CASZ1: variants seen among roughly 807,000 people sequenced by gnomAD.
The protein encoded by CASZ1 is zinc finger protein castor homolog 1.
CASZ1 carries 28 observed loss-of-function variants against 135.2 expected under a neutral mutation model. The observed-to-expected ratio is 0.21, with a 90% CI of 0.15 to 0.28. The LOEUF is 0.28. CASZ1 is among the 10% of genes least tolerant of loss of function. The pLI is 1.00. For missense variants in CASZ1, 2,161 were observed against 2,453.3 expected (o/e 0.88, Z 2.52); for synonymous variants, 1,068 against 1,073.4 (o/e 0.99, Z 0.10).
At position 10,721,727 on chromosome 1, in the gene CASZ1, C is replaced by T. The variant is rs1038248326; in HGVS notation, c.-76-16183G>A. ...GCCGACCTGCAAACCAGGAAGTGGA[C>T]GGCCCCAGCCTCTATCGGATCTGGC... On this transcript the variant is annotated intron_variant, in intron 2 of 20. Transcript: ENST00000377022. This position sits in a 1 kb window ranked among gnomAD's most constrained non-coding sequence, Gnocchi z 5.4. Among the ~76,000 whole-genome samples, 5 of 152,210 alleles carry T rather than the reference C, an allele frequency of 3.3e-5. No homozygotes were observed. The East Asian group carries it at 5.8e-4, about 18-fold the overall frequency.
In CASZ1 at chr1:10,637,335, C is replaced by T. The variant is rs72641442; in HGVS notation, c.*1607G>A. The T allele has an allele frequency of 0.072, 10,958 of 152,628 alleles. 480 individuals are homozygous for T. Among genetic ancestry groups the T allele is most frequent in the Middle Eastern group, 0.13 (38 of 292 alleles). The allele number at this position is 152,628 out of a possible 1,614,324, so 9.5% of individuals were successfully genotyped here. A position where few individuals can be genotyped will look rare whatever the true frequency, so the allele number is the denominator to read the frequency against. Reference sequence around the variant, plus strand: ...AACTGATTTCCTGTTGAATCAGGTACGCTCCGTGCGACCACTCCTCCCTCC... The same window carrying T: ...AACTGATTTCCTGTTGAATCAGGTATGCTCCGTGCGACCACTCCTCCCTCC... On this transcript the variant is annotated 3_prime_UTR_variant, in exon 21 of 21. Coordinates refer to ENST00000377022, the MANE Select transcript of CASZ1 (RefSeq NM_001079843.3).
At position 10,757,289 on chromosome 1, in the gene CASZ1, C is replaced by A. The variant is rs539008239; in HGVS notation, c.-77+3412G>T. Reference sequence around the variant, plus strand: ...ATCCGCGGGCACAGAATGCTTGAGTCATCCTGGGGCCCTCTCTTTTCCTTG... The same window carrying A: ...ATCCGCGGGCACAGAATGCTTGAGTAATCCTGGGGCCCTCTCTTTTCCTTG... On this transcript the variant is annotated intron_variant, in intron 2 of 20. Coordinates refer to ENST00000377022, the MANE Select transcript of CASZ1 (RefSeq NM_001079843.3). This position sits in a 1 kb window ranked among gnomAD's most constrained non-coding sequence, Gnocchi z 4.6. Among the ~76,000 whole-genome samples the A allele has an allele frequency of 5.9e-5, 9 of 152,262 alleles. No homozygotes were observed. The highest frequency in any genetic ancestry group is 2.2e-4 in the African/African-American group (9 of 41,550).
chr1:10,683,159 C>T (rs1013022391), intron 4 of CASZ1, among the ~76,000 whole-genome samples: 11 of 152,202 alleles, frequency 7.2e-5, no homozygotes, highest in East Asian at 3.9e-4. Context: ...GCTCTCTGAG[C>T]GTGCTTTCCT....
At chr1:10,746,742 C>T (rs1473193459) in intron 2 of CASZ1, among the ~76,000 whole-genome samples, 3 of 152,218 alleles carry the variant, frequency 2.0e-5, no homozygotes, top group Non-Finnish European at 4.4e-5. Context: ...AGGGACAGAG[C>T]GGAGGGTGAG....
At chr1:10,692,521 C>A (rs576250227) in intron 4 of CASZ1, among the ~76,000 whole-genome samples, 46 of 152,312 alleles carry the variant, frequency 3.0e-4, no homozygotes, top group African/African-American at 1.1e-3. Flanking sequence ...GGGTGGCAGC[C>A]TTGGCCTTAG....
At chr1:10,736,611 C>T (rs1317138985) in intron 2 of CASZ1, among the ~76,000 whole-genome samples, 1 of 152,252 alleles carries the variant, frequency 6.6e-6, no homozygotes, top group Non-Finnish European at 1.5e-5. Context: ...CCAAAACACA[C>T]AGGGCAGAGC....
chr1:10,656,330 T>A (rs1175563783), intron 8 of CASZ1, among the ~76,000 whole-genome samples: 3 of 152,206 alleles, frequency 2.0e-5, no homozygotes, highest in African/African-American at 7.2e-5. Flanking sequence ...CTAAGGCCAC[T>A]GCAAAGAGTC....
intron 2 of CASZ1, among the ~76,000 whole-genome samples, chr1:10,738,363 C>T (rs775893302): frequency 6.6e-6 from 1 of 152,254 alleles, no homozygotes; most frequent in African/African-American, 2.4e-5. Flanking sequence ...CCCACCCACC[C>T]CCTCCTTTTG....
At chr1:10,654,264 C>T (rs770414509) in intron 10 of CASZ1, 46 bp from the exon 11 acceptor site, 2 of 1,584,398 alleles carry the variant, frequency 1.3e-6, no homozygotes, top group African/African-American at 1.5e-5. Context: ...GAGGAGGCCC[C>T]ACCCTGCTAC....
In CASZ1 at chr1:10,646,091, C is replaced by G; in HGVS notation, c.3696+37G>C. On this transcript the variant is annotated intron_variant, in intron 17 of 20. Coordinates refer to ENST00000377022, the MANE Select transcript of CASZ1 (RefSeq NM_001079843.3). This position sits in a 1 kb window ranked among gnomAD's most constrained non-coding sequence, Gnocchi z 6.4. ...GAGCTAGCCCTGCACCTCCCTGCCC[C>G]CTACTCTGCCCCTGCGCCGTGTACC... The G allele has an allele frequency of 6.2e-7, 1 of 1,603,826 alleles. No individual in the cohort carries two copies. Among genetic ancestry groups the G allele is most frequent in the Non-Finnish European group, 8.5e-7 (1 of 1,171,742 alleles).
chr1:10,749,317 A>C (rs1640105801), intron 2 of CASZ1, among the ~76,000 whole-genome samples: 1 of 151,078 alleles, frequency 6.6e-6, no homozygotes, highest in African/African-American at 2.4e-5. Flanking sequence ...GTGCAACCTC[A>C]GCTCACTGCA....
At position 10,678,406 on chromosome 1, in the gene CASZ1, G is replaced by A. The variant is rs117144117; in HGVS notation, c.17-12835C>T. ...AAAGCTGGTTACAGTGTGAGGGAGAGGCAGCAGGTGGGTGGGGGTGGGGGG... is the reference window on the plus strand; with the variant it reads ...AAAGCTGGTTACAGTGTGAGGGAGAAGCAGCAGGTGGGTGGGGGTGGGGGG... On this transcript the variant is annotated intron_variant, in intron 4 of 20. Transcript: ENST00000377022. 2.6e-4 allele frequency among the ~76,000 whole-genome samples: 39 copies of A among 151,972 alleles called. No individual in the cohort carries two copies. In the East Asian group the frequency reaches 7.4e-3, roughly 29 times the overall value.
At position 10,646,042 on chromosome 1, in the gene CASZ1, C is replaced by T; in HGVS notation, c.3696+86G>A. 7.7e-7 allele frequency: 1 copy of T among 1,299,030 alleles called. No individual in the cohort carries two copies. The highest frequency in any genetic ancestry group is 1.1e-6 in the Non-Finnish European group (1 of 905,484). The allele number at this position is 1,299,030 out of a possible 1,614,324, so 80.5% of individuals were successfully genotyped here. On this transcript the variant is annotated intron_variant, in intron 17 of 20. Coordinates refer to ENST00000377022, the MANE Select transcript of CASZ1 (RefSeq NM_001079843.3). The surrounding 1 kb of genome is among the most constrained non-coding windows in gnomAD (Gnocchi z 6.4). ...AAGGTGTGAGAAATGGAGCCTCTGCCAGGAGGTGACTGTCCTGTGCCCTGA... is the reference window on the plus strand; with the variant it reads ...AAGGTGTGAGAAATGGAGCCTCTGCTAGGAGGTGACTGTCCTGTGCCCTGA...
At chr1:10,730,766 G>A (rs1299680622) in intron 2 of CASZ1, among the ~76,000 whole-genome samples, 2 of 152,172 alleles carry the variant, frequency 1.3e-5, no homozygotes, top group African/African-American at 4.8e-5. Context: ...ATACTTAACA[G>A]CTTTTCTGAT....
rs369586270 is a variant in CASZ1 at position 10,650,672 on chromosome 1, G to T, written c.2880+20C>A. On this transcript the variant is annotated intron_variant, in intron 13 of 20. Transcript: ENST00000377022. ...TTCTCTGGGTGGGGGAACGGGAGGCGTGTGATGGATGGCTCTTACCTTATT... is the reference window on the plus strand; with the variant it reads ...TTCTCTGGGTGGGGGAACGGGAGGCTTGTGATGGATGGCTCTTACCTTATT... The T allele has an allele frequency of 2.5e-6, 4 of 1,603,272 alleles. No individual in the cohort carries two copies. The highest frequency in any genetic ancestry group is 3.4e-6 in the Non-Finnish European group (4 of 1,170,072).
rs116267330 is a variant in CASZ1, at chr1:10,778,373, C to G, written c.-233-17516G>C. ...CACCTCACACAATCTCATAAACAATCTCATACATGATCACTCATACAATCT... is the reference window on the plus strand; with the variant it reads ...CACCTCACACAATCTCATAAACAATGTCATACATGATCACTCATACAATCT... On this transcript the variant is annotated intron_variant, in intron 1 of 20. Transcript: ENST00000377022. 9.0e-3 allele frequency among the ~76,000 whole-genome samples: 1,367 copies of G among 152,058 alleles called. 18 individuals are homozygous for G. Among genetic ancestry groups the G allele is most frequent in the African/African-American group, 0.032 (1,313 of 41,472 alleles).
At chr1:10,779,693 C>T (rs779394858) in intron 1 of CASZ1, among the ~76,000 whole-genome samples, 5 of 152,316 alleles carry the variant, frequency 3.3e-5, no homozygotes, top group Non-Finnish European at 5.9e-5. Context: ...TAGTTTCTCT[C>T]GCAGCGTTCA....
At chr1:10,659,661 G>A in intron 6 of CASZ1, 41 bp downstream of exon 6, 1 of 1,529,430 alleles carries the variant, frequency 6.5e-7, no homozygotes, top group Non-Finnish European at 9.1e-7. Flanking sequence ...TGTCTAGTCT[G>A]GCTCCTGGCT....
rs570428031 is a variant in CASZ1, at chr1:10,776,535, C to T, written c.-233-15678G>A. Among the ~76,000 whole-genome samples, 353 of 152,376 alleles carry T rather than the reference C, an allele frequency of 2.3e-3. 1 individual carries two copies. Among genetic ancestry groups the T allele is most frequent in the African/African-American group, 8.2e-3 (342 of 41,580 alleles). On this transcript the variant is annotated intron_variant, in intron 1 of 20. Transcript: ENST00000377022. The surrounding 1 kb of genome is among the most constrained non-coding windows in gnomAD (Gnocchi z 4.1). ...CACCAGAGGGCTCTGACACGAGACACATCCAGACAGGCAGTGATCGATAAG... is the reference window on the plus strand; with the variant it reads ...CACCAGAGGGCTCTGACACGAGACATATCCAGACAGGCAGTGATCGATAAG...
Sources: gnomAD v4.1 joint callset for allele counts (sites outside exome capture counted in the v4.1 genomes callset) on GRCh38, gnomAD v4.1.1 for gene constraint, Gnocchi (gnomAD v3.1) non-coding constraint, MANE v1.5 for transcripts, NCBI Gene and HGNC (gene_info 2026-07-23, HGNC 2026-07-21) for gene names.